The following PCGF5 variants were observed in gnomAD, a reference collection of about 807,000 sequenced individuals.
PCGF5 encodes the protein polycomb group RING finger protein 5.
In PCGF5, 9 loss-of-function variants were observed where a neutral mutation model predicts 44.3. That is an observed-to-expected ratio of 0.20 (90% CI 0.12 to 0.35). The LOEUF (loss-of-function observed/expected upper bound fraction) is 0.35, where lower values mean the gene tolerates loss of function less well. Among genes scored for constraint, PCGF5 ranks in the 10% least tolerant of loss-of-function variants. PCGF5 has a pLI of 1.00. For missense variants in PCGF5, 146 were observed against 305.3 expected, an observed-to-expected ratio of 0.48 and a Z score of 3.89; for synonymous variants, 95 against 102.5, an observed-to-expected ratio of 0.93 and a Z score of 0.44.
At chr10:91,248,842 C>G in intron 5 of PCGF5, 118 bp downstream of exon 5, 1 of 825,102 alleles carries the variant, frequency 1.2e-6, no homozygotes, top group Non-Finnish European at 1.9e-6. Flanking sequence ...AATTCATGCA[C>G]CCTTTTATTT....
intron 1 of PCGF5, among the ~76,000 whole-genome samples, chr10:91,163,731 G>A (rs1843439732): frequency 6.6e-6 from 1 of 152,080 alleles, no homozygotes; most frequent in South Asian, 2.1e-4. Context: ...GGAGGGCGCG[G>A]TGGCCTTCCG....
At chr10:91,185,716 T>G (rs979134875) in intron 1 of PCGF5, among the ~76,000 whole-genome samples, 8 of 152,080 alleles carry the variant, frequency 5.3e-5, no homozygotes, top group Non-Finnish European at 1.0e-4. Flanking sequence ...CCTAGTGGAG[T>G]GGTTTCATGA....
Position 91,197,278 on chromosome 10 carries a change from C to T in PCGF5, c.-183-25411C>T, listed in dbSNP as rs533517572. ...ATCTGAAGGCTCGCGAGCTGACTGT[C>T]ATGTCCTGGGTCTAGTCTGAGACTC... On this transcript the variant is annotated intron_variant, in intron 1 of 9. Transcript: ENST00000614189. Among the ~76,000 whole-genome samples, 6 of 152,306 alleles carry T rather than the reference C, an allele frequency of 3.9e-5. No individual in the cohort carries two copies. In the South Asian group the frequency reaches 1.2e-3, roughly 32 times the overall value.
At chr10:91,183,484 AAT>A (rs996842043) in intron 1 of PCGF5, among the ~76,000 whole-genome samples, 1 of 151,674 alleles carries the variant, frequency 6.6e-6, no homozygotes, top group Non-Finnish European at 1.5e-5. Flanking sequence ...AGGTCTCTTG[AAT>A]ATAGCACATC....
At chr10:91,186,665 T>C (rs1015462422) in intron 1 of PCGF5, among the ~76,000 whole-genome samples, 1 of 152,076 alleles carries the variant, frequency 6.6e-6, no homozygotes, top group African/African-American at 2.4e-5. Context: ...AAGTTTCTTT[T>C]GTACCTTTCA....
chr10:91,199,006 T>A (rs1428574451), intron 1 of PCGF5, among the ~76,000 whole-genome samples: 3 of 152,232 alleles, frequency 2.0e-5, no homozygotes, highest in Admixed American at 2.0e-4. Context: ...GCTGACCTTT[T>A]ATGTATTTAT....
chr10:91,248,273 C>G (rs1486752842), intron 3 of PCGF5, among the ~76,000 whole-genome samples: 1 of 151,994 alleles, frequency 6.6e-6, no homozygotes, highest in Non-Finnish European at 1.5e-5. Context: ...AAGTCATGCT[C>G]AAGAGTCTGG....
intron 3 of PCGF5, among the ~76,000 whole-genome samples, chr10:91,242,304 A>G (rs548859014): frequency 1.3e-5 from 2 of 151,558 alleles, no homozygotes; most frequent in South Asian, 4.2e-4. Flanking sequence ...TAAAGCAAAC[A>G]TTTTCTCTCA....
intron 2 of PCGF5, among the ~76,000 whole-genome samples, chr10:91,225,943 G>C (rs1844822226): frequency 6.6e-6 from 1 of 151,992 alleles, no homozygotes; most frequent in South Asian, 2.1e-4. Context: ...TGTGATTTGG[G>C]ATGGTTATAA....
intron 6 of PCGF5, among the ~76,000 whole-genome samples, chr10:91,255,955 A>G (rs1157215536): frequency 3.3e-5 from 5 of 152,086 alleles, no homozygotes; most frequent in African/African-American, 1.2e-4. Context: ...TGCAAATGCT[A>G]TGTAAGTAGT....
intron 9 of PCGF5, among the ~76,000 whole-genome samples, chr10:91,276,473 C>T (rs1846316553): frequency 6.6e-6 from 1 of 152,098 alleles, no homozygotes; most frequent in African/African-American, 2.4e-5. Context: ...TAGTGTGGTG[C>T]CATTTTATTT....
intron 1 of PCGF5, among the ~76,000 whole-genome samples, chr10:91,204,358 T>C (rs1020244299): frequency 6.6e-6 from 1 of 152,162 alleles, no homozygotes; most frequent in Non-Finnish European, 1.5e-5. Context: ...TACATTAGTC[T>C]TTCCTCCTTT....
chr10:91,159,092 C>T (rs1163607211), upstream of PCGF5, among the ~76,000 whole-genome samples: 1 of 152,162 alleles, frequency 6.6e-6, no homozygotes, highest in Admixed American at 6.5e-5. Flanking sequence ...CTTTAAACAG[C>T]AGACTAGAGG....
intron 7 of PCGF5, among the ~76,000 whole-genome samples, chr10:91,262,962 G>C (rs1404160314): frequency 3.9e-5 from 6 of 152,172 alleles, no homozygotes; most frequent in African/African-American, 1.4e-4. Flanking sequence ...TTATTACTAA[G>C]AGAACTGTTA....
intron 2 of PCGF5, among the ~76,000 whole-genome samples, chr10:91,224,224 G>A (rs1844757557): frequency 6.6e-6 from 1 of 152,188 alleles, no homozygotes; most frequent in African/African-American, 2.4e-5. Context: ...TATTTTGGAA[G>A]AGCTCCCCAA....
chr10:91,191,631 G>T (rs1271867732), intron 1 of PCGF5, among the ~76,000 whole-genome samples: 1 of 151,910 alleles, frequency 6.6e-6, no homozygotes, highest in East Asian at 1.9e-4. Flanking sequence ...TGGTTTCTTG[G>T]TGTGTGTTAT....
upstream of PCGF5, among the ~76,000 whole-genome samples, chr10:91,216,879 G>T (rs910532099): frequency 2.0e-5 from 3 of 152,152 alleles, no homozygotes; most frequent in African/African-American, 4.8e-5. Context: ...ATAAATATAT[G>T]TGGGCCTTAT....
chr10:91,201,723 CTT>C (rs759618961), intron 1 of PCGF5, among the ~76,000 whole-genome samples: 13 of 136,878 alleles, frequency 9.5e-5, no homozygotes, highest in East Asian at 6.4e-4. Flanking sequence ...TCCAGAAAAC[CTT>C]TTTTTTTTTT....
chr10:91,168,517 G>A (rs1843541130), intron 1 of PCGF5, among the ~76,000 whole-genome samples: 1 of 152,174 alleles, frequency 6.6e-6, no homozygotes, highest in South Asian at 2.1e-4. Flanking sequence ...AAGAATGCTG[G>A]CTTGGGAAGG....
Sources: allele counts gnomAD v4.1 joint callset (sites outside exome capture counted in the v4.1 genomes callset), GRCh38; gene constraint gnomAD v4.1.1; transcripts MANE v1.5; gene names NCBI Gene and HGNC (gene_info 2026-07-23, HGNC 2026-07-21).